ERC1: variants seen among roughly 807,000 people sequenced by gnomAD.
The protein encoded by ERC1 is RAB6 interacting protein 2.
In ERC1, 56 loss-of-function variants were observed where a neutral mutation model predicts 132.0. The ratio of observed to expected loss-of-function variants is 0.42; its 90% confidence interval spans 0.34 to 0.53. The LOEUF is 0.53. ERC1 is among the 20% of genes least tolerant of loss of function. ERC1 has a pLI of 0.03. For missense variants in ERC1, 1,202 were observed against 1,349.9 expected, an observed-to-expected ratio of 0.89 and a Z score of 1.72; for synonymous variants, 478 against 476.1, an observed-to-expected ratio of 1.00 and a Z score of -0.05.
intron 15 of ERC1, among the ~76,000 whole-genome samples, chr12:1,309,096 C>T (rs1213390872): frequency 6.6e-6 from 1 of 152,160 alleles, no homozygotes; most frequent in Non-Finnish European, 1.5e-5. Context: ...GGCTTTCCAG[C>T]CTCTGGAACT....
Position 1,400,346 on chromosome 12 carries a change from A to T in ERC1, c.2926-7803A>T, listed in dbSNP as rs58994225. Among the ~76,000 whole-genome samples, 914 of 152,258 alleles carry T rather than the reference A, an allele frequency of 6.0e-3. 12 individuals carry two copies. Among genetic ancestry groups the T allele is most frequent in the African/African-American group, 0.021 (870 of 41,542 alleles). On this transcript the variant is annotated intron_variant, in intron 16 of 18. Transcript: ENST00000360905. ...CCTTTATCATATATATGATTTATAA[A>T]TATGTTCTCCCATCCTGTCGTTCTC...
chr12:1,439,678 A>G (rs192836534), intron 17 of ERC1, among the ~76,000 whole-genome samples: 2 of 151,014 alleles, frequency 1.3e-5, no homozygotes, highest in Admixed American at 6.6e-5. Flanking sequence ...TTATAGCTGT[A>G]CAACCAATTT....
intron 12 of ERC1, among the ~76,000 whole-genome samples, chr12:1,229,157 G>A (rs1594380914): frequency 6.6e-6 from 1 of 152,124 alleles, no homozygotes; most frequent in East Asian, 1.9e-4. Flanking sequence ...TTCTTTGTTG[G>A]GAGGTTTTTG....
chr12:1,393,605 CACGTGTGT>C (rs1254174406), intron 16 of ERC1, among the ~76,000 whole-genome samples: 6 of 85,552 alleles, frequency 7.0e-5, no homozygotes, highest in Non-Finnish European at 1.3e-4. Context: ...AGAGAGAACA[CACGTGTGT>C]GTGTGTGTGT....
intron 17 of ERC1, among the ~76,000 whole-genome samples, chr12:1,418,666 T>TTTTCTTTTC (rs1555077127): frequency 2.3e-5 from 2 of 86,716 alleles, no homozygotes; most frequent in Non-Finnish European, 4.5e-5. Context: ...TCTCTCTTTC[T>TTTTCTTTTC]TTTCTTTCTT....
chr12:1,045,172 T>C (rs1970890055), intron 2 of ERC1, among the ~76,000 whole-genome samples: 1 of 152,160 alleles, frequency 6.6e-6, no homozygotes, highest in Admixed American at 6.5e-5. Context: ...ACTGTGGTCC[T>C]GTACTGTGCT....
chr12:1,279,744 G>C (rs564602071), intron 14 of ERC1, among the ~76,000 whole-genome samples: 2 of 151,028 alleles, frequency 1.3e-5, no homozygotes, highest in Admixed American at 1.3e-4. Flanking sequence ...GCCGGACTGC[G>C]GACTGCAGTG....
intron 2 of ERC1, among the ~76,000 whole-genome samples, chr12:1,066,982 A>G (rs546323161): frequency 1.3e-5 from 2 of 152,120 alleles, no homozygotes; most frequent in African/African-American, 4.8e-5. Flanking sequence ...TAGTTTTTGT[A>G]TTTTTTATAG....
chr12:1,414,446 C>G (rs1048802133), intron 17 of ERC1, among the ~76,000 whole-genome samples: 57 of 152,132 alleles, frequency 3.7e-4, no homozygotes, highest in African/African-American at 1.3e-3. Context: ...AATAATCTTC[C>G]CAAAGCCATC....
intron 18 of ERC1, among the ~76,000 whole-genome samples, chr12:1,473,019 CTTG>C (rs777693163): frequency 1.3e-4 from 20 of 151,958 alleles, no homozygotes; most frequent in Non-Finnish European, 2.5e-4. Flanking sequence ...GAGCCAAACT[CTTG>C]TTGTTTTTTG....
intron 15 of ERC1, among the ~76,000 whole-genome samples, chr12:1,362,434 GTCTC>G (rs528652390): frequency 1.3e-5 from 2 of 151,024 alleles, no homozygotes; most frequent in South Asian, 2.1e-4. Flanking sequence ...TCAGAGCTCT[GTCTC>G]TCTCTCTCTG....
intron 17 of ERC1, among the ~76,000 whole-genome samples, chr12:1,415,613 T>C (rs1361715139): frequency 6.6e-6 from 1 of 152,208 alleles, no homozygotes; most frequent in Non-Finnish European, 1.5e-5. Context: ...TTCTAGAGAA[T>C]ACATCCATAG....
chr12:1,010,480 C>CAAAA (rs71055122), intron 1 of ERC1, among the ~76,000 whole-genome samples: 1 of 93,464 alleles, frequency 1.1e-5, no homozygotes, highest in Non-Finnish European at 2.2e-5. Flanking sequence ...ACTCTGTCTC[C>CAAAA]AAAAAAAAAA....
intron 13 of ERC1, among the ~76,000 whole-genome samples, chr12:1,262,543 T>C (rs1349835071): frequency 1.3e-5 from 2 of 152,260 alleles, no homozygotes; most frequent in Non-Finnish European, 2.9e-5. Flanking sequence ...TTTCAATGTC[T>C]TTTAAGAAAT....
intron 15 of ERC1, among the ~76,000 whole-genome samples, chr12:1,308,284 A>G (rs779065215): frequency 6.6e-6 from 1 of 152,120 alleles, no homozygotes; most frequent in Non-Finnish European, 1.5e-5. Context: ...TGAATCCCAG[A>G]GTATTGCAAC....
intron 2 of ERC1, among the ~76,000 whole-genome samples, chr12:1,082,681 G>T (rs1465999013): frequency 6.7e-6 from 1 of 149,762 alleles, no homozygotes; most frequent in Non-Finnish European, 1.5e-5. Context: ...GTAGAGACAG[G>T]GTTTCATCAT....
intron 12 of ERC1, among the ~76,000 whole-genome samples, chr12:1,235,879 A>G (rs2075378982): frequency 6.6e-6 from 1 of 152,230 alleles, no homozygotes. Context: ...GCATTATTTA[A>G]AATGGCAAGA....
intron 15 of ERC1, among the ~76,000 whole-genome samples, chr12:1,349,617 T>C (rs12320911): frequency 0.45 from 66,618 of 148,446 alleles, 15,462 homozygotes; most frequent in African/African-American, 0.57. Flanking sequence ...TGAGCCGAGA[T>C]CATGCCACTG....
intron 13 of ERC1, among the ~76,000 whole-genome samples, chr12:1,254,762 C>T (rs954225869): frequency 6.6e-6 from 1 of 152,130 alleles, no homozygotes; most frequent in Non-Finnish European, 1.5e-5. Context: ...ATCCACCCAC[C>T]TTGGCTTCCC....
Sources: allele counts gnomAD v4.1 joint callset (sites outside exome capture counted in the v4.1 genomes callset), GRCh38; gene constraint gnomAD v4.1.1; transcripts MANE v1.5; gene names NCBI Gene and HGNC (gene_info 2026-07-23, HGNC 2026-07-21).